Variants in SPECC1 observed in about 807,000 individuals in gnomAD.
SPECC1 encodes the protein sperm antigen with calponin homology and coiled-coil domains 1, also known as cytospin-B.
SPECC1 carries 62 observed loss-of-function variants against 104.1 expected under a neutral mutation model. The observed-to-expected ratio is 0.60, with a 90% CI of 0.49 to 0.74. The LOEUF (loss-of-function observed/expected upper bound fraction) is 0.74. SPECC1 is among the 30% of genes least tolerant of loss of function. The pLI is 0.00. For missense variants in SPECC1, 1,306 were observed against 1,310.5 expected, an observed-to-expected ratio of 1.00 and a Z score of 0.05; for synonymous variants, 513 against 501.6, an observed-to-expected ratio of 1.02 and a Z score of -0.30.
chr17:20,236,200 C>T (rs2038900989), intron 7 of SPECC1, among the ~76,000 whole-genome samples: 1 of 152,148 alleles, frequency 6.6e-6, no homozygotes. Context: ...CTGAACAGAC[C>T]TCACCTTAGC....
chr17:20,268,140 A>G lies in SPECC1; in HGVS notation c.2940+7846A>G, dbSNP rs541345284. On this transcript the variant is annotated intron_variant, in intron 12 of 14. Transcript: ENST00000395527. The stretch of plus-strand genomic sequence containing the variant: ...AAAAGAAAGAAGAGTTTAGATAGGG[A>G]TTTACTTGAAAATGTATCTGTATCT... Among the ~76,000 whole-genome samples the G allele has an allele frequency of 4.6e-5, 7 of 152,290 alleles. No individual in the cohort carries two copies. In the South Asian group the frequency reaches 1.5e-3, roughly 32 times the overall value.
intron 7 of SPECC1, among the ~76,000 whole-genome samples, chr17:20,244,062 A>G (rs919157120): frequency 6.6e-6 from 1 of 152,036 alleles, no homozygotes; most frequent in East Asian, 1.9e-4. Context: ...ACTAAAAAAA[A>G]AAAATACGAA....
chr17:20,135,741 T>C (rs2049880931), intron 3 of SPECC1, among the ~76,000 whole-genome samples: 1 of 152,198 alleles, frequency 6.6e-6, no homozygotes, highest in Admixed American at 6.5e-5. Context: ...TGTGAGCCAC[T>C]GTGCCTGATC....
chr17:20,237,005 CCTT>C (rs2038955293), intron 7 of SPECC1: 12 of 1,563,636 alleles, frequency 7.7e-6, no homozygotes, highest in Non-Finnish European at 1.0e-5. Context: ...CCAGTTGTCT[CCTT>C]GTGACATTCT....
chr17:20,278,320 G>T (rs2040642122), intron 12 of SPECC1, among the ~76,000 whole-genome samples: 1 of 152,214 alleles, frequency 6.6e-6, no homozygotes, highest in Non-Finnish European at 1.5e-5. Context: ...TTAGAAGCAA[G>T]AGGGTAACAG....
intron 1 of SPECC1, among the ~76,000 whole-genome samples, chr17:20,090,208 C>T (rs569007183): frequency 5.9e-5 from 9 of 152,344 alleles, no homozygotes; most frequent in Admixed American, 1.3e-4. Flanking sequence ...TCCAGCTCTG[C>T]ACCAGCGCAG....
chr17:20,215,866 C>T (rs2037456149), intron 4 of SPECC1, among the ~76,000 whole-genome samples: 1 of 152,106 alleles, frequency 6.6e-6, no homozygotes, highest in Non-Finnish European at 1.5e-5. Flanking sequence ...GAGCTTGGTT[C>T]TTAGATATCT....
chr17:20,231,869 A>G (rs772252879), intron 6 of SPECC1, 38 bp downstream of exon 6: 12 of 1,593,084 alleles, frequency 7.5e-6, no homozygotes, highest in Admixed American at 5.0e-5. Context: ...CCATCTTCCT[A>G]TGAATTACCC....
At chr17:20,222,808 T>A (rs2037966023) in intron 4 of SPECC1, among the ~76,000 whole-genome samples, 1 of 152,214 alleles carries the variant, frequency 6.6e-6, no homozygotes, top group African/African-American at 2.4e-5. Flanking sequence ...GTTGATGAAA[T>A]TTCTTAGGTT....
chr17:20,124,717 A>G (rs562298256), intron 3 of SPECC1, among the ~76,000 whole-genome samples: 51 of 152,318 alleles, frequency 3.3e-4, no homozygotes, highest in Middle Eastern at 3.4e-3. Flanking sequence ...TAACCTTCCG[A>G]ACATCATAGC....
At chr17:20,248,971 CATAG>C (rs1167711532) in intron 9 of SPECC1, among the ~76,000 whole-genome samples, 2 of 151,988 alleles carry the variant, frequency 1.3e-5, no homozygotes, top group African/African-American at 4.8e-5. Flanking sequence ...TCTTAAAACC[CATAG>C]AAACATGGGT....
intron 3 of SPECC1, among the ~76,000 whole-genome samples, chr17:20,185,496 G>C (rs1006609907): frequency 6.6e-6 from 1 of 152,228 alleles, no homozygotes; most frequent in East Asian, 1.9e-4. Context: ...ATCTCAGCCA[G>C]GGTTTCGGAT....
chr17:20,036,523 G>A (rs1224228364), intron 1 of SPECC1, among the ~76,000 whole-genome samples: 9 of 152,152 alleles, frequency 5.9e-5, no homozygotes, highest in Non-Finnish European at 1.2e-4. Context: ...GCTAATTAAC[G>A]TATGCATTAC....
chr17:20,118,689 G>A (rs981870462), intron 3 of SPECC1, among the ~76,000 whole-genome samples: 2 of 152,178 alleles, frequency 1.3e-5, no homozygotes, highest in African/African-American at 4.8e-5. Context: ...ATTGATAGTG[G>A]CAGAGGAAAA....
At chr17:20,299,006 G>A (rs891295421) in intron 13 of SPECC1, among the ~76,000 whole-genome samples, 1 of 140,042 alleles carries the variant, frequency 7.1e-6, no homozygotes, top group Non-Finnish European at 1.5e-5. Flanking sequence ...GGTGGGGGCT[G>A]GGGAGAGAGA....
At chr17:20,099,724 A>C (rs945051175) in intron 2 of SPECC1, among the ~76,000 whole-genome samples, 63 of 138,558 alleles carry the variant, frequency 4.5e-4, no homozygotes, top group African/African-American at 1.5e-3. Flanking sequence ...AAAAAAACCC[A>C]CAAAATATAT....
rs1226804640 is a variant in SPECC1, at chr17:20,316,702, TG to T, written c.*2638del. 57 of 101,556 alleles carry T rather than the reference TG, an allele frequency of 5.6e-4. No homozygotes were observed. Among genetic ancestry groups the T allele is most frequent in the Non-Finnish European group, 7.9e-4 (48 of 60,780 alleles). The allele number at this position is 101,556 out of a possible 1,614,324, so 6.3% of individuals were successfully genotyped here. A position where few individuals can be genotyped will look rare whatever the true frequency, so the allele number is the denominator to read the frequency against. On this transcript the variant is annotated 3_prime_UTR_variant, in exon 15 of 15. Coordinates refer to ENST00000395527, the MANE Select transcript of SPECC1 (RefSeq NM_001243439.2). ...TGTGTTTTTTTTGTTGTTGTTTGTTTGTTTTTTTTTTTGAGACAGAGTCTTG... is the reference window on the plus strand; with the variant it reads ...TGTGTTTTTTTTGTTGTTGTTTGTTTTTTTTTTTTTTGAGACAGAGTCTTG...
At chr17:20,062,423 T>C (rs1401695652) in intron 1 of SPECC1, among the ~76,000 whole-genome samples, 1 of 152,164 alleles carries the variant, frequency 6.6e-6, no homozygotes, top group Non-Finnish European at 1.5e-5. Context: ...AGTGCAGTGG[T>C]GTGATCACGG....
chr17:20,072,294 G>A (rs2046586037), intron 1 of SPECC1, among the ~76,000 whole-genome samples: 1 of 152,194 alleles, frequency 6.6e-6, no homozygotes, highest in Admixed American at 6.5e-5. Flanking sequence ...ATTCATCCTA[G>A]ACTTTCCTAA....
Sources: allele counts gnomAD v4.1 joint callset (sites outside exome capture counted in the v4.1 genomes callset), GRCh38; gene constraint gnomAD v4.1.1; transcripts MANE v1.5; gene names NCBI Gene and HGNC (gene_info 2026-07-23, HGNC 2026-07-21).